The following CYSLTR2 variants were observed in gnomAD, a reference collection of about 807,000 sequenced individuals.
CYSLTR2 encodes the protein G-protein coupled receptor GPCR21.
For missense variants in CYSLTR2, 398 were observed against 411.9 expected, an observed-to-expected ratio of 0.97 and a Z score of 0.29; for synonymous variants, 179 against 160.8, an observed-to-expected ratio of 1.11 and a Z score of -0.86.
At chr13:48,705,910 A>G (rs1954469075) in intron 4 of CYSLTR2, among the ~76,000 whole-genome samples, 1 of 150,938 alleles carries the variant, frequency 6.6e-6, no homozygotes. Flanking sequence ...CTAATATTCT[A>G]AGTTTCCTTC....
intron 1 of CYSLTR2, among the ~76,000 whole-genome samples, chr13:48,687,126 CT>C (rs1175216992): frequency 6.6e-6 from 1 of 152,090 alleles, no homozygotes; most frequent in Non-Finnish European, 1.5e-5. Context: ...GCTCTCTGGC[CT>C]TAGGACTCTA....
At chr13:48,679,897 G>A (rs1953703577) in intron 1 of CYSLTR2, among the ~76,000 whole-genome samples, 1 of 152,188 alleles carries the variant, frequency 6.6e-6, no homozygotes, top group Admixed American at 6.5e-5. Flanking sequence ...CAATGTGGGA[G>A]TTACAGGTGG....
At chr13:48,693,773 A>G (rs1954096944) in intron 3 of CYSLTR2, among the ~76,000 whole-genome samples, 1 of 152,244 alleles carries the variant, frequency 6.6e-6, no homozygotes, top group South Asian at 2.1e-4. Context: ...ACTAATTCCT[A>G]AAGTATGGAA....
At chr13:48,670,660 A>G (rs1188772562) in intron 1 of CYSLTR2, among the ~76,000 whole-genome samples, 1 of 152,190 alleles carries the variant, frequency 6.6e-6, no homozygotes, top group Non-Finnish European at 1.5e-5. Context: ...TACCCATACC[A>G]TGCTGTTTTG....
intron 1 of CYSLTR2, among the ~76,000 whole-genome samples, chr13:48,658,491 G>A (rs77320443): frequency 0.052 from 7,973 of 152,232 alleles, 264 homozygotes; most frequent in Non-Finnish European, 0.062. Flanking sequence ...CTAGGGCCTG[G>A]GGTACAGCAG....
At chr13:48,675,650 A>G (rs776358123) in intron 1 of CYSLTR2, among the ~76,000 whole-genome samples, 1 of 152,066 alleles carries the variant, frequency 6.6e-6, no homozygotes, top group South Asian at 2.1e-4. Flanking sequence ...TTTCCAGAAA[A>G]GTGAATGGTT....
chr13:48,695,068 ATTTTTTTT>A (rs869282546), intron 3 of CYSLTR2, among the ~76,000 whole-genome samples: 89 of 71,610 alleles, frequency 1.2e-3, no homozygotes, highest in African/African-American at 4.7e-3. Flanking sequence ...AGAACCTGGC[ATTTTTTTT>A]TTTTTTTTTT....
intron 1 of CYSLTR2, among the ~76,000 whole-genome samples, chr13:48,659,965 G>A (rs1953088939): frequency 6.6e-6 from 1 of 152,026 alleles, no homozygotes; most frequent in Non-Finnish European, 1.5e-5. Flanking sequence ...CCAGAGAGAG[G>A]GCAACATTTA....
At chr13:48,695,545 C>A (rs1257276770) in intron 3 of CYSLTR2, among the ~76,000 whole-genome samples, 1 of 146,422 alleles carries the variant, frequency 6.8e-6, no homozygotes, top group Admixed American at 6.6e-5. Flanking sequence ...AAGGATGCCT[C>A]AAACTCCACT....
chr13:48,670,872 A>G (rs1953408998), intron 1 of CYSLTR2, among the ~76,000 whole-genome samples: 1 of 152,190 alleles, frequency 6.6e-6, no homozygotes, highest in Admixed American at 6.5e-5. Context: ...TTTGCGCAGT[A>G]TGGCCATTCT....
chr13:48,673,907 C>T (rs972289462), intron 1 of CYSLTR2, among the ~76,000 whole-genome samples: 2 of 152,116 alleles, frequency 1.3e-5, no homozygotes, highest in Admixed American at 1.3e-4. Flanking sequence ...ACGTGAAATT[C>T]CGGGTTGAAA....
chr13:48,707,483 G>A lies in CYSLTR2; in HGVS notation c.666G>A (p.Leu222=). 1 of 1,613,224 alleles carries A rather than the reference G, an allele frequency of 6.2e-7. No homozygotes were observed. The highest frequency in any genetic ancestry group is 8.5e-7 in the Non-Finnish European group (1 of 1,180,018). ...TTTTCACACTCAGCATCTGTTATCT[G>A]CTGATCATTCGGGTTCTGTTAAAAG... ...LPFFTLSICY[L]LIIRVLLKVE... is the part of the protein sequence containing the mutation. Residue 222 remains leucine, a synonymous_variant, in exon 5 of 5, where the codon CTG becomes CTA. Coordinates refer to ENST00000682523, the MANE Select transcript of CYSLTR2 (RefSeq NM_001308476.3).
chr13:48,657,874 C>T (rs776631421), intron 1 of CYSLTR2, among the ~76,000 whole-genome samples: 9 of 151,438 alleles, frequency 5.9e-5, no homozygotes, highest in East Asian at 1.9e-4. Flanking sequence ...TTTTATTAGA[C>T]GTATAGATTG....
At chr13:48,660,920 A>G (rs1953111960) in intron 1 of CYSLTR2, among the ~76,000 whole-genome samples, 1 of 152,148 alleles carries the variant, frequency 6.6e-6, no homozygotes, top group Non-Finnish European at 1.5e-5. Context: ...TCCTCTCTGC[A>G]CAACTTCAGA....
At chr13:48,678,981 A>C (rs1953675484) in intron 1 of CYSLTR2, among the ~76,000 whole-genome samples, 1 of 152,140 alleles carries the variant, frequency 6.6e-6, no homozygotes, top group African/African-American at 2.4e-5. Flanking sequence ...TCTAAAATGC[A>C]GATCTGCTCT....
At chr13:48,688,071 C>T (rs761974178) in intron 1 of CYSLTR2, among the ~76,000 whole-genome samples, 1 of 152,140 alleles carries the variant, frequency 6.6e-6, no homozygotes, top group Non-Finnish European at 1.5e-5. Flanking sequence ...TTTGTTCTCA[C>T]TCCTCAAGGA....
intron 1 of CYSLTR2, among the ~76,000 whole-genome samples, chr13:48,661,689 T>C (rs985727411): frequency 3.9e-5 from 6 of 152,186 alleles, no homozygotes; most frequent in African/African-American, 1.4e-4. Flanking sequence ...ACCAACTGTC[T>C]CCTGTGAACA....
intron 1 of CYSLTR2, among the ~76,000 whole-genome samples, chr13:48,673,509 T>C (rs1291660060): frequency 6.8e-6 from 1 of 146,046 alleles, no homozygotes; most frequent in African/African-American, 2.5e-5. Flanking sequence ...TTTGAGCCTA[T>C]GTGTGTCTTT....
At chr13:48,683,285 G>A (rs1031856415) in intron 1 of CYSLTR2, among the ~76,000 whole-genome samples, 2 of 152,270 alleles carry the variant, frequency 1.3e-5, no homozygotes, top group African/African-American at 4.8e-5. Context: ...TCTGTTTTTA[G>A]CTCTCTGAAG....
Sources: allele counts gnomAD v4.1 joint callset (sites outside exome capture counted in the v4.1 genomes callset), GRCh38; gene constraint gnomAD v4.1.1; transcripts MANE v1.5; gene names NCBI Gene and HGNC (gene_info 2026-07-23, HGNC 2026-07-21).